The following ZNF57 variants were observed in gnomAD, a reference collection of about 807,000 sequenced individuals.
The protein encoded by ZNF57 is zinc finger protein 57.
A neutral mutation model predicts 13.4 loss-of-function variants in ZNF57; 11 were observed. That is an observed-to-expected ratio of 0.82 (90% confidence interval 0.52 to 1.36). ZNF57 has a LOEUF of 1.36. Among genes scored for constraint, ZNF57 ranks in the 40% most tolerant of loss-of-function variants. The pLI, the probability that ZNF57 is intolerant of heterozygous loss-of-function variation, is 0.00. For synonymous variants in ZNF57, 224 were observed against 238.5 expected, an observed-to-expected ratio of 0.94 and a Z score of 0.56; for missense variants, 696 against 667.5, an observed-to-expected ratio of 1.04 and a Z score of -0.47.
At position 2,918,013 on chromosome 19, in the gene ZNF57, A is replaced by G; in HGVS notation, c.1392A>G (p.Gln464=). ...CCTTTACCTCTTCCAGAGCATTCCA[A>G]GGTCATTTGAGGATGCACACTGGAG... The part of the protein sequence containing the change: ...GKAFTSSRAF[Q]GHLRMHTGEK... The change falls in exon 4 of 4, where the codon CAA becomes CAG. Residue 464 remains glutamine, a synonymous_variant. Coordinates refer to ENST00000306908, the MANE Select transcript of ZNF57 (RefSeq NM_173480.3). 1 of 1,614,034 alleles carries G rather than the reference A, an allele frequency of 6.2e-7. No homozygotes were observed. Among genetic ancestry groups the G allele is most frequent in the Non-Finnish European group, 8.5e-7 (1 of 1,179,956 alleles).
At chr19:2,913,940 C>T (rs1341383513) in intron 1 of ZNF57, among the ~76,000 whole-genome samples, 1 of 152,112 alleles carries the variant, frequency 6.6e-6, no homozygotes, top group African/African-American at 2.4e-5. Context: ...CGCGCCCGGC[C>T]AATATTTTGT....
intron 1 of ZNF57, among the ~76,000 whole-genome samples, chr19:2,902,121 G>A (rs963832546): frequency 1.3e-5 from 2 of 150,464 alleles, no homozygotes; most frequent in Non-Finnish European, 3.0e-5. Context: ...CAAGGGCGGG[G>A]GGCTTGACCA....
At chr19:2,901,286 G>T (rs1314391884) in intron 1 of ZNF57, among the ~76,000 whole-genome samples, 1 of 124,546 alleles carries the variant, frequency 8.0e-6, no homozygotes, top group Non-Finnish European at 1.7e-5. Flanking sequence ...GGCCTGGGCA[G>T]GAGGGGGGCT....
intron 1 of ZNF57, among the ~76,000 whole-genome samples, chr19:2,902,185 G>A (rs1014922264): frequency 2.2e-4 from 33 of 150,254 alleles, no homozygotes; most frequent in Non-Finnish European, 3.6e-4. Context: ...GGATGGCAAG[G>A]GACGGCCTGG....
intron 1 of ZNF57, among the ~76,000 whole-genome samples, chr19:2,912,659 T>C (rs149904863): frequency 3.7e-4 from 56 of 152,332 alleles, no homozygotes; most frequent in African/African-American, 1.3e-3. Context: ...AAGGGAATAA[T>C]AACTTCCAAG....
intron 1 of ZNF57, among the ~76,000 whole-genome samples, chr19:2,902,439 C>T (rs1274254786): frequency 1.3e-5 from 2 of 152,220 alleles, no homozygotes; most frequent in Non-Finnish European, 2.9e-5. Flanking sequence ...ACAGGCTAAG[C>T]ATGGCCTAAG....
chr19:2,917,568 C>A lies in ZNF57; in HGVS notation c.947C>A (p.Thr316Lys), dbSNP rs2088219075. 6.2e-7 allele frequency: 1 copy of A among 1,614,056 alleles called. No homozygotes were observed. Among genetic ancestry groups the A allele is most frequent in the Non-Finnish European group, 8.5e-7 (1 of 1,179,994 alleles). ...TATGAATGCAAGCAGTGTGGGAAAA[C>A]ATTCAGTTGGTCTGAAACCTTGCGA... ...KPYECKQCGK[T>K]FSWSETLRVH... The change falls in exon 4 of 4, where the codon ACA becomes AAA. Residue 316 changes from threonine (T) to lysine (K), a missense_variant. Thr to Lys is a moderately conservative substitution (Grantham distance 78). This residue lies in a region of ZNF57 where 645 missense variants were observed against 591.5 expected (regional missense o/e 1.09). Transcript: ENST00000306908.
In ZNF57 at chr19:2,913,281, G is replaced by A. The variant is rs116375855; in HGVS notation, c.4-2241G>A. 3.5e-3 allele frequency among the ~76,000 whole-genome samples: 538 copies of A among 152,226 alleles called. 1 individual carries two copies. Among genetic ancestry groups the A allele is most frequent in the African/African-American group, 0.012 (514 of 41,546 alleles). The stretch of plus-strand genomic sequence containing the variant: ...TTTGTTTGATCTTTTCAAACAACTA[G>A]CTTTGGTTTCATTGATTTTTCTCTA... On this transcript the variant is annotated intron_variant, in intron 1 of 3. Coordinates refer to ENST00000306908, the MANE Select transcript of ZNF57 (RefSeq NM_173480.3).
intron 1 of ZNF57, among the ~76,000 whole-genome samples, chr19:2,913,306 A>G (rs142604432): frequency 2.6e-5 from 4 of 151,570 alleles, no homozygotes; most frequent in Non-Finnish European, 1.5e-5. Flanking sequence ...ATTTTTCTCT[A>G]TTGTTTTACT....
Position 2,907,458 on chromosome 19 carries a change from G to A in ZNF57, c.3+6410G>A, listed in dbSNP as rs112748629. 1.5e-3 allele frequency among the ~76,000 whole-genome samples: 231 copies of A among 152,210 alleles called. 1 individual carries two copies. Among genetic ancestry groups the A allele is most frequent in the African/African-American group, 5.1e-3 (211 of 41,520 alleles). On this transcript the variant is annotated intron_variant, in intron 1 of 3. Coordinates refer to ENST00000306908, the MANE Select transcript of ZNF57 (RefSeq NM_173480.3). ...CATCCCCAAGGCCAGCTACCCTCTT[G>A]CACTTCATAATGTCATAGGAATTAT... is the stretch of plus-strand genomic sequence containing the variant.
chr19:2,917,933 C>G lies in ZNF57; in HGVS notation c.1312C>G (p.His438Asp). The G allele has an allele frequency of 6.2e-7, 1 of 1,613,694 alleles. No individual in the cohort carries two copies. The highest frequency in any genetic ancestry group is 8.5e-7 in the Non-Finnish European group (1 of 1,179,914). The change falls in exon 4 of 4, where the codon CAT becomes GAT. Residue 438 changes from histidine (H) to aspartate (D), a missense_variant. Around this residue, in one of 3 missense-constraint regions of ZNF57, gnomAD observed 645 missense variants for 591.5 expected, o/e 1.09. Transcript: ENST00000306908. ...CACTTGGTCCTCAACGTTTAGAGAACATGTGAGAATTCACACGCAAGAGCA... is the reference window on the plus strand; with the variant it reads ...CACTTGGTCCTCAACGTTTAGAGAAGATGTGAGAATTCACACGCAAGAGCA... ...TFTWSSTFRE[H>D]VRIHTQEQLH... is the part of the protein sequence containing the mutation.
intron 1 of ZNF57, among the ~76,000 whole-genome samples, chr19:2,906,343 G>A (rs912017511): frequency 3.3e-5 from 5 of 152,204 alleles, no homozygotes; most frequent in African/African-American, 1.2e-4. Flanking sequence ...CGTGAGCCAT[G>A]GTGCCCGGCC....
At position 2,908,774 on chromosome 19, in the gene ZNF57, G is replaced by A. The variant is rs1366314931; in HGVS notation, c.4-6748G>A. ...CTTGAGGACATTTCCATCACCTCAC[G>A]AAGAAACCCCCAGACCCTTCAGTTA... On this transcript the variant is annotated intron_variant, in intron 1 of 3. Transcript: ENST00000306908. 4.6e-5 allele frequency among the ~76,000 whole-genome samples: 7 copies of A among 152,034 alleles called. No individual in the cohort carries two copies. In the South Asian group the frequency reaches 6.2e-4, roughly 14 times the overall value.
Position 2,900,957 on chromosome 19 carries a change from G to C in ZNF57, c.-89G>C, listed in dbSNP as rs1043370882. On this transcript the variant is annotated 5_prime_UTR_variant, in exon 1 of 4. Coordinates refer to ENST00000306908, the MANE Select transcript of ZNF57 (RefSeq NM_173480.3). ...CTGCCGCGCGTGCCCTGCCTACCAC[G>C]AGCGGCCCGGGAGTACCTGTACCTT... is the stretch of plus-strand genomic sequence containing the variant. 13 of 1,517,442 alleles carry C rather than the reference G, an allele frequency of 8.6e-6. No individual in the cohort carries two copies. Among genetic ancestry groups the C allele is most frequent in the African/African-American group, 1.4e-5 (1 of 71,114 alleles). 94.0% of individuals were successfully genotyped at this position (1,517,442 alleles called of 1,614,324 possible).
chr19:2,905,755 ACT>A (rs563302534), intron 1 of ZNF57, among the ~76,000 whole-genome samples: 102 of 80,558 alleles, frequency 1.3e-3, no homozygotes, highest in African/African-American at 4.4e-3. Context: ...ACAGAGCAAG[ACT>A]CTGTCTCAAA....
rs368134539 is a variant in ZNF57 at position 2,917,091 on chromosome 19, G to C, written c.470G>C (p.Arg157Thr). The change falls in exon 4 of 4, where the codon AGG becomes ACG. Residue 157 changes from arginine to threonine, a missense_variant. By Grantham distance (71) the Arg-to-Thr change is moderately conservative. Coordinates refer to ENST00000306908, the MANE Select transcript of ZNF57 (RefSeq NM_173480.3). ...TVFTHLSSLK[R>T]HVKSHCGRKA... Reference sequence around the variant, plus strand: ...TTCACGCATCTTTCTTCTCTTAAAAGGCACGTCAAGTCTCACTGTGGACGA... The same window carrying C: ...TTCACGCATCTTTCTTCTCTTAAAACGCACGTCAAGTCTCACTGTGGACGA... 29 of 1,614,016 alleles carry C rather than the reference G, an allele frequency of 1.8e-5. No homozygotes were observed. The African/African-American group carries it at 3.9e-4, about 22-fold the overall frequency.
rs766672846 is a variant in ZNF57 at position 2,918,127 on chromosome 19, A to G, written c.1506A>G (p.Lys502=). The change falls in exon 4 of 4, where the codon AAA becomes AAG. Residue 502 remains lysine, a synonymous_variant. Coordinates refer to ENST00000306908, the MANE Select transcript of ZNF57 (RefSeq NM_173480.3). ...HNHVRMHTGE[K]PHKCKQCGMS... ...ATGTGAGGATGCACACTGGAGAGAA[A>G]CCTCACAAATGTAAACAATGTGGGA... 3 of 1,614,186 alleles carry G rather than the reference A, an allele frequency of 1.9e-6. No individual in the cohort carries two copies. Among genetic ancestry groups the G allele is most frequent in the South Asian group, 2.2e-5 (2 of 91,084 alleles).
Position 2,916,063 on chromosome 19 carries a change from A to G in ZNF57, c.131-15A>G. On this transcript the variant is annotated splice_polypyrimidine_tract_variant and intron_variant, in intron 2 of 3. Coordinates refer to ENST00000306908, the MANE Select transcript of ZNF57 (RefSeq NM_173480.3). ...GTCTTATTCCTTTTGAGATTTGTTT[A>G]CTTTTTTGTTGCAGATGATGGGACT... 6.2e-7 allele frequency: 1 copy of G among 1,603,000 alleles called. No individual in the cohort carries two copies. The highest frequency in any genetic ancestry group is 1.8e-5 in the Admixed American group (1 of 56,654).
At position 2,915,806 on chromosome 19, in the gene ZNF57, A is replaced by G. The variant is rs2088187219; in HGVS notation, c.130+158A>G. Reference sequence around the variant, plus strand: ...GTCATTATTCCCTAACAGTGAAAACATGTGTGAAACAGATGTTATTTCTGT... The same window carrying G: ...GTCATTATTCCCTAACAGTGAAAACGTGTGTGAAACAGATGTTATTTCTGT... On this transcript the variant is annotated intron_variant, in intron 2 of 3. Coordinates refer to ENST00000306908, the MANE Select transcript of ZNF57 (RefSeq NM_173480.3). 4.0e-6 allele frequency: 5 copies of G among 1,246,636 alleles called. No individual in the cohort carries two copies. The highest frequency in any genetic ancestry group is 5.8e-6 in the Non-Finnish European group (5 of 866,454). 77.2% of individuals were successfully genotyped at this position (1,246,636 alleles called of 1,614,324 possible).
Sources: gnomAD v4.1 joint callset for allele counts (sites outside exome capture counted in the v4.1 genomes callset) on GRCh38, gnomAD v4.1.1 for gene constraint, gnomAD v4.1.1 regional missense constraint, MANE v1.5 for transcripts, NCBI Gene and HGNC (gene_info 2026-07-23, HGNC 2026-07-21) for gene names.